SSUH2: variants seen among roughly 807,000 people sequenced by gnomAD.
SSUH2 encodes ssu-2 homolog, also known as protein SSUH2 homolog.
Under a neutral mutation model 55.3 loss-of-function variants are expected in SSUH2, and 47 were observed. The ratio of observed to expected loss-of-function variants is 0.85; its 90% confidence interval spans 0.67 to 1.08. The LOEUF (loss-of-function observed/expected upper bound fraction) is 1.08, where lower values mean the gene tolerates loss of function less well. Ranked by LOEUF, SSUH2 falls within the 50% of genes least tolerant of loss-of-function variation. The pLI is 0.00. For missense variants in SSUH2, 535 were observed against 490.7 expected, an observed-to-expected ratio of 1.09 and a Z score of -0.85; for synonymous variants, 212 against 191.5, an observed-to-expected ratio of 1.11 and a Z score of -0.89.
Position 8,627,872 on chromosome 3 carries a change from G to A in SSUH2, c.589-89C>T, listed in dbSNP as rs6784347. The A allele has an allele frequency of 6.9e-3, 8,163 of 1,182,204 alleles. 425 individuals carry two copies. The African/African-American group carries it at 0.11, about 16-fold the overall frequency. 73.2% of individuals were successfully genotyped at this position (1,182,204 alleles called of 1,614,324 possible). A position where few individuals can be genotyped will look rare whatever the true frequency, so the allele number is the denominator to read the frequency against. On this transcript the variant is annotated intron_variant, in intron 7 of 11. Coordinates refer to ENST00000544814, the MANE Select transcript of SSUH2 (RefSeq NM_001256748.3). ...AAGACCTGGTTCAAATCCCAGCCTG[G>A]TGACCTTCCTCCCCCTGGGCCTTAG...
chr3:8,632,003 T>A (rs537217754), intron 5 of SSUH2, 46 bp downstream of exon 5: 1 of 1,498,018 alleles, frequency 6.7e-7, no homozygotes, highest in Non-Finnish European at 9.3e-7. Flanking sequence ...ACCAGCACCC[T>A]GACTTATTTG....
chr3:8,644,839 C>G, upstream of SSUH2: 1 of 1,204,820 alleles, frequency 8.3e-7, no homozygotes, highest in Non-Finnish European at 1.2e-6. Context: ...CCCTCAGGCC[C>G]CTCCCAGAAC....
intron 3 of SSUH2, among the ~76,000 whole-genome samples, chr3:8,672,819 G>T (rs73017948): frequency 0.065 from 9,896 of 152,168 alleles, 452 homozygotes; most frequent in South Asian, 0.12. Flanking sequence ...TCACCAGGTG[G>T]ATGCACACCC....
intron 6 of SSUH2, among the ~76,000 whole-genome samples, chr3:8,661,287 T>A (rs974858407): frequency 1.3e-5 from 2 of 152,232 alleles, no homozygotes; most frequent in Admixed American, 6.5e-5. Flanking sequence ...AAAATCTCAT[T>A]CATCTTTCAA....
exon 4 of SSUH2, chr3:8,671,994 T>G (rs1050233095): frequency 6.6e-6 from 1 of 152,112 alleles, no homozygotes; most frequent in African/African-American, 2.4e-5. Context: ...TAGACGGGTG[T>G]ACATCCTCTG....
chr3:8,655,293 G>T (rs2640826), intron 7 of SSUH2, among the ~76,000 whole-genome samples: 4 of 360 alleles, frequency 0.011, no homozygotes, highest in Non-Finnish European at 8.2e-3. Context: ...GATCACAGTG[G>T]GTGGCCTCAT....
intron 6 of SSUH2, chr3:8,663,671 T>C: frequency 2.6e-6 from 1 of 379,624 alleles, no homozygotes; most frequent in East Asian, 7.6e-5. Context: ...GCTAGGAATG[T>C]GTTAATTGAT....
intron 4 of SSUH2, among the ~76,000 whole-genome samples, chr3:8,633,264 C>G (rs1273072299): frequency 2.0e-5 from 3 of 151,844 alleles, no homozygotes; most frequent in Non-Finnish European, 2.9e-5. Context: ...CTGCCTCAGC[C>G]TCCCGAGTAG....
At chr3:8,669,496 T>G (rs1704314547) in intron 5 of SSUH2, among the ~76,000 whole-genome samples, 1 of 152,110 alleles carries the variant, frequency 6.6e-6, no homozygotes, top group Non-Finnish European at 1.5e-5. Context: ...GACAAAAGTT[T>G]GACAAGATAT....
Position 8,654,477 on chromosome 3 carries a change from T to G in SSUH2, c.-307+4448A>C, listed in dbSNP as rs959225534. ...ATGTATTTAACCATTCTCCTCTCAA[T>G]AGACACCCAAATTGTCTCCTACTTC... On this transcript the variant is annotated intron_variant, in intron 7 of 18. Coordinates refer to the SSUH2 transcript ENST00000317371. Among the ~76,000 whole-genome samples the G allele has an allele frequency of 2.6e-5, 4 of 152,366 alleles. No individual in the cohort carries two copies. The South Asian group carries it at 8.3e-4, about 32-fold the overall frequency.
At position 8,677,915 on chromosome 3, in the gene SSUH2, A is replaced by G. The variant is rs180829081; in HGVS notation, c.-900-562T>C. ...AATATCATCTCCCCCTCTGGAGATT[A>G]TGAACTGTTTCACAGACGGATGTAC... On this transcript the variant is annotated intron_variant, in intron 2 of 18. Transcript: ENST00000317371. Among the ~76,000 whole-genome samples the G allele has an allele frequency of 2.6e-5, 4 of 151,052 alleles. 1 individual carries two copies. The East Asian group carries it at 6.2e-4, about 23-fold the overall frequency.
chr3:8,626,341 C>T lies in SSUH2; in HGVS notation c.675-20G>A, dbSNP rs73812730. 15,081 of 1,605,418 alleles carry T rather than the reference C, an allele frequency of 9.4e-3. 1,173 individuals carry two copies. In the African/African-American group the frequency reaches 0.17, roughly 18 times the overall value. On this transcript the variant is annotated intron_variant, in intron 8 of 11. Transcript: ENST00000544814. ...CTGCATCTGAGAAAGGCACAGAGTCCGTACCCCCAGATCAGTTGCAGGTCC... is the reference window on the plus strand; with the variant it reads ...CTGCATCTGAGAAAGGCACAGAGTCTGTACCCCCAGATCAGTTGCAGGTCC...
Position 8,656,297 on chromosome 3 carries a change from A to T in SSUH2, c.-307+2628T>A, listed in dbSNP as rs112208076. 5.4e-3 allele frequency among the ~76,000 whole-genome samples: 823 copies of T among 152,356 alleles called. 6 individuals are homozygous for T. Among genetic ancestry groups the T allele is most frequent in the African/African-American group, 0.019 (781 of 41,586 alleles). ...ATAAGCAAGTCTGGCAAGAAAAGGA[A>T]CAAAGGTTTGGTCCAGGACACATTT... On this transcript the variant is annotated intron_variant, in intron 7 of 18. Transcript: ENST00000317371.
intron 2 of SSUH2, among the ~76,000 whole-genome samples, chr3:8,678,397 C>G (rs557895294): frequency 8.5e-5 from 13 of 152,220 alleles, no homozygotes; most frequent in Non-Finnish European, 1.5e-4. Flanking sequence ...ATATTAATAA[C>G]AAATTCACAG....
intron 8 of SSUH2, chr3:8,627,472 C>CT (rs1697827859): frequency 2.5e-6 from 1 of 401,490 alleles, no homozygotes; most frequent in East Asian, 3.6e-5. Context: ...TCTTCACACT[C>CT]TTTCCACATA....
intron 3 of SSUH2, among the ~76,000 whole-genome samples, chr3:8,672,373 C>G (rs891659528): frequency 2.6e-5 from 4 of 152,008 alleles, no homozygotes; most frequent in Non-Finnish European, 1.5e-5. Context: ...GGGTGTACAC[C>G]TCCTGCGACA....
intron 11 of SSUH2, among the ~76,000 whole-genome samples, chr3:8,622,794 C>A (rs1696705425): frequency 6.6e-6 from 1 of 152,202 alleles, no homozygotes; most frequent in African/African-American, 2.4e-5. Flanking sequence ...GGGTGCCAAA[C>A]ACATTTCGAG....
upstream of SSUH2, among the ~76,000 whole-genome samples, chr3:8,648,430 A>G (rs1046431209): frequency 5.3e-5 from 8 of 152,206 alleles, no homozygotes; most frequent in Non-Finnish European, 2.9e-5. Flanking sequence ...ACAGAAAGCA[A>G]TGGAGGAAAG....
chr3:8,678,499 C>CA (rs1009356859), intron 2 of SSUH2, among the ~76,000 whole-genome samples: 15 of 140,512 alleles, frequency 1.1e-4, no homozygotes, highest in Non-Finnish European at 2.4e-4. Context: ...GGGGGTGAGG[C>CA]ACCCCCCGCG....
Sources: gnomAD v4.1 joint callset for allele counts (sites outside exome capture counted in the v4.1 genomes callset) on GRCh38, gnomAD v4.1.1 for gene constraint, MANE v1.5 for transcripts, NCBI Gene and HGNC (gene_info 2026-07-23, HGNC 2026-07-21) for gene names.